The following RIC8B variants were observed in gnomAD, a reference collection of about 807,000 sequenced individuals.
RIC8B encodes the protein RIC8 guanine nucleotide exchange factor B, also known as chaperone Ric-8B.
A neutral mutation model predicts 57.5 loss-of-function variants in RIC8B; 16 were observed. The observed-to-expected ratio is 0.28, with a 90% CI of 0.19 to 0.42. RIC8B has a LOEUF of 0.42. Ranked by LOEUF, RIC8B falls within the 10% of genes least tolerant of loss-of-function variation. The pLI is 1.00. For missense variants in RIC8B, 481 were observed against 677.0 expected (o/e 0.71, Z 3.21); for synonymous variants, 216 against 250.8 (o/e 0.86, Z 1.31).
At chr12:106,861,299 C>T (rs985082479) in intron 8 of RIC8B, among the ~76,000 whole-genome samples, 4 of 151,774 alleles carry the variant, frequency 2.6e-5, no homozygotes, top group Admixed American at 1.3e-4. Flanking sequence ...AATAGGTGTT[C>T]GAGGATAGAC....
At chr12:106,796,336 G>A (rs547145630) in intron 2 of RIC8B, among the ~76,000 whole-genome samples, 3 of 152,170 alleles carry the variant, frequency 2.0e-5, no homozygotes, top group East Asian at 1.9e-4. Context: ...TCAGGAGTTC[G>A]AGACCAGCCT....
At chr12:106,854,745 C>T (rs2589265) in intron 7 of RIC8B, among the ~76,000 whole-genome samples, 13,128 of 151,982 alleles carry the variant, frequency 0.086, 738 homozygotes, top group Non-Finnish European at 0.12. Context: ...GCTGAGATCA[C>T]GCCACTGCAC....
chr12:106,856,898 C>T (rs1202913440), intron 7 of RIC8B, among the ~76,000 whole-genome samples: 1 of 152,084 alleles, frequency 6.6e-6, no homozygotes, highest in Non-Finnish European at 1.5e-5. Context: ...AAGAAATGTG[C>T]CGGTGCTATG....
rs762309091 is a variant in RIC8B at position 106,851,563 on chromosome 12, T to A, written c.1275T>A (p.Ala425=). 22 of 1,612,962 alleles carry A rather than the reference T, an allele frequency of 1.4e-5. No homozygotes were observed. The East Asian group carries it at 4.5e-4, about 33-fold the overall frequency. The change falls in exon 7 of 10, where the codon GCT becomes GCA. Residue 425 remains alanine, a synonymous_variant. Transcript: ENST00000392837. The part of the protein sequence containing the change: ...HVDLGVKQIA[A]EFLFVLCKER... ...ACCTTGGAGTCAAGCAAATTGCTGC[T>A]GAATTCCTTTTTGTCCTTTGCAAAG...
intron 4 of RIC8B, among the ~76,000 whole-genome samples, chr12:106,840,165 A>G (rs770379554): frequency 1.1e-4 from 16 of 152,222 alleles, no homozygotes; most frequent in Admixed American, 2.0e-4. Flanking sequence ...ATTAACAGCT[A>G]TGGATCTACG....
intron 9 of RIC8B, among the ~76,000 whole-genome samples, chr12:106,873,346 G>A (rs1187306161): frequency 6.6e-6 from 1 of 152,198 alleles, no homozygotes; most frequent in Non-Finnish European, 1.5e-5. Context: ...GCCTTTGTGT[G>A]CTTTCTAACA....
chr12:106,876,391 T>C (rs1950666504), intron 9 of RIC8B, among the ~76,000 whole-genome samples: 1 of 152,200 alleles, frequency 6.6e-6, no homozygotes, highest in Non-Finnish European at 1.5e-5. Flanking sequence ...ATGTGGCTAC[T>C]AGAACATTTA....
intron 4 of RIC8B, 109 bp from the exon 5 acceptor site, chr12:106,842,480 A>G: frequency 1.2e-6 from 1 of 832,298 alleles, no homozygotes; most frequent in Non-Finnish European, 1.8e-6. Context: ...TTGGAAAAGA[A>G]ATATTTTAAT....
At chr12:106,784,399 A>G (rs991111391) in intron 2 of RIC8B, among the ~76,000 whole-genome samples, 14 of 152,148 alleles carry the variant, frequency 9.2e-5, no homozygotes, top group Admixed American at 2.6e-4. Flanking sequence ...AGCTTGAGGC[A>G]AGGTCTCGCT....
chr12:106,823,136 TAAAC>T, intron 3 of RIC8B: 2 of 201,736 alleles, frequency 9.9e-6, no homozygotes, highest in Non-Finnish European at 2.1e-5. Context: ...GATGACCTAT[TAAAC>T]ACACACCCTC....
intron 4 of RIC8B, among the ~76,000 whole-genome samples, chr12:106,829,065 G>A (rs976337237): frequency 6.6e-6 from 1 of 152,194 alleles, no homozygotes; most frequent in Admixed American, 6.5e-5. Context: ...GATGAAATGA[G>A]TTAGCTCGTA....
Position 106,843,837 on chromosome 12 carries a change from T to G in RIC8B, c.1066-15T>G, listed in dbSNP as rs889161835. On this transcript the variant is annotated splice_polypyrimidine_tract_variant and intron_variant, in intron 5 of 9. Transcript: ENST00000392837. ...ACTAACGTATTTCAAAAACATATGG[T>G]TTTTTTTTTTATAGGGAAGCAGCTA... is the stretch of plus-strand genomic sequence containing the variant. 7.8e-6 allele frequency: 8 copies of G among 1,023,358 alleles called. No homozygotes were observed. Among genetic ancestry groups the G allele is most frequent in the South Asian group, 1.8e-5 (1 of 55,086 alleles). 63.4% of individuals were successfully genotyped at this position (1,023,358 alleles called of 1,614,324 possible). A position where few individuals can be genotyped will look rare whatever the true frequency, so the allele number is the denominator to read the frequency against.
At chr12:106,858,722 T>G (rs1299409069) in intron 7 of RIC8B, among the ~76,000 whole-genome samples, 1 of 152,098 alleles carries the variant, frequency 6.6e-6, no homozygotes, top group Non-Finnish European at 1.5e-5. Flanking sequence ...TCAACATCAT[T>G]TAATATACTC....
At chr12:106,831,139 A>G (rs552087022) in intron 4 of RIC8B, among the ~76,000 whole-genome samples, 4 of 152,130 alleles carry the variant, frequency 2.6e-5, no homozygotes, top group Admixed American at 2.0e-4. Flanking sequence ...CTCCATTACC[A>G]TGTCCTGCCA....
At chr12:106,806,512 G>A (rs1027775073) in intron 2 of RIC8B, among the ~76,000 whole-genome samples, 1 of 151,842 alleles carries the variant, frequency 6.6e-6, no homozygotes, top group Non-Finnish European at 1.5e-5. Flanking sequence ...TTTTCTCTAG[G>A]CAATCTCATT....
chr12:106,777,561 G>A (rs2043551612), intron 1 of RIC8B, among the ~76,000 whole-genome samples: 1 of 152,300 alleles, frequency 6.6e-6, no homozygotes, highest in African/African-American at 2.4e-5. Flanking sequence ...GAGTAGTGGA[G>A]AGGTTCTTTA....
At chr12:106,794,277 GAAT>G (rs1374831368) in intron 2 of RIC8B, among the ~76,000 whole-genome samples, 1 of 151,692 alleles carries the variant, frequency 6.6e-6, no homozygotes, top group Non-Finnish European at 1.5e-5. Flanking sequence ...ACAGAAGAAA[GAAT>G]AAAGAAAAAC....
In RIC8B at chr12:106,888,314, T is replaced by A. The variant is rs953912204; in HGVS notation, c.*2299T>A. 3 of 152,212 alleles carry A rather than the reference T, an allele frequency of 2.0e-5. No homozygotes were observed. Among genetic ancestry groups the A allele is most frequent in the Admixed American group, 6.5e-5 (1 of 15,282 alleles). The allele number at this position is 152,212 out of a possible 1,614,324, so 9.4% of individuals were successfully genotyped here. ...GTTTGCGGGGAAGAAGATGAGAGTGTCTTCATCTGGCACACAGAAAGAGAA... is the reference window on the plus strand; with the variant it reads ...GTTTGCGGGGAAGAAGATGAGAGTGACTTCATCTGGCACACAGAAAGAGAA... On this transcript the variant is annotated 3_prime_UTR_variant, in exon 10 of 10. Transcript: ENST00000392837.
rs770803307 is a variant in RIC8B, at chr12:106,851,519, C to T, written c.1231C>T (p.Arg411Cys). The T allele has an allele frequency of 8.7e-6, 14 of 1,613,188 alleles. No individual in the cohort carries two copies. Among genetic ancestry groups the T allele is most frequent in the African/African-American group, 1.3e-5 (1 of 74,836 alleles). Residue 411 changes from arginine (R) to cysteine (C), a missense_variant, in exon 7 of 10, where the codon CGC becomes TGC. By Grantham distance (180) the Arg-to-Cys change is radical (BLOSUM62 -3). Around this residue, in one of 3 missense-constraint regions of RIC8B, gnomAD observed 421 missense variants for 560.9 expected, o/e 0.75. Transcript: ENST00000392837. ...CTCAACTGTGAGAAATAAGCTGGTG[C>T]GCCTCATGACACATGTTGACCTTGG... is the stretch of plus-strand genomic sequence containing the variant. The part of the protein sequence containing the change: ...VGSTVRNKLV[R>C]LMTHVDLGVK...
Sources: allele counts gnomAD v4.1 joint callset (sites outside exome capture counted in the v4.1 genomes callset), GRCh38; gene constraint gnomAD v4.1.1; regional missense constraint gnomAD v4.1.1; transcripts MANE v1.5; gene names NCBI Gene and HGNC (gene_info 2026-07-23, HGNC 2026-07-21).